The following CNKSR3 variants were observed in gnomAD, a reference collection of about 807,000 sequenced individuals.
CNKSR3 encodes the protein CNKSR family member 3, also known as connector enhancer of kinase suppressor of ras 3.
Under a neutral mutation model 67.7 loss-of-function variants are expected in CNKSR3, and 36 were observed. That is an observed-to-expected ratio of 0.53 (90% CI 0.41 to 0.70). The LOEUF is 0.70. Ranked by LOEUF, CNKSR3 falls within the 30% of genes least tolerant of loss-of-function variation. The pLI is 0.00. For missense variants in CNKSR3, 630 were observed against 695.2 expected (o/e 0.91, Z 1.05); for synonymous variants, 281 against 271.4 (o/e 1.04, Z -0.35).
chr6:154,483,095 T>A (rs1007799506), intron 1 of CNKSR3, among the ~76,000 whole-genome samples: 3 of 152,178 alleles, frequency 2.0e-5, no homozygotes, highest in Non-Finnish European at 2.9e-5. Context: ...CCCAGTGGCA[T>A]CTTGGACGAA....
At chr6:154,454,188 G>C (rs6557353) in intron 1 of CNKSR3, among the ~76,000 whole-genome samples, 102,858 of 149,722 alleles carry the variant, frequency 0.69, 35,654 homozygotes, top group East Asian at 0.87. Flanking sequence ...CTTACTGACC[G>C]GGTAACCTGG....
intron 5 of CNKSR3, among the ~76,000 whole-genome samples, 163 bp downstream of exon 5, chr6:154,433,302 TA>T (rs1393703768): frequency 6.6e-6 from 1 of 152,208 alleles, no homozygotes; most frequent in African/African-American, 2.4e-5. Context: ...TCTTGTTAAA[TA>T]ACTTTTATGC....
intron 1 of CNKSR3, among the ~76,000 whole-genome samples, chr6:154,497,269 T>C (rs1257868620): frequency 2.0e-5 from 3 of 150,802 alleles, no homozygotes; most frequent in Non-Finnish European, 4.4e-5. Flanking sequence ...TGCATGCCTG[T>C]GGTTCCTGCT....
intron 1 of CNKSR3, among the ~76,000 whole-genome samples, chr6:154,501,809 C>T (rs1238204266): frequency 2.0e-5 from 3 of 152,098 alleles, no homozygotes; most frequent in Admixed American, 6.5e-5. Context: ...ACACTAAAGC[C>T]GGGACTATGG....
chr6:154,420,552 A>G (rs969504806), intron 9 of CNKSR3, among the ~76,000 whole-genome samples: 2 of 150,432 alleles, frequency 1.3e-5, no homozygotes, highest in East Asian at 1.9e-4. Flanking sequence ...AGCCGGGCGT[A>G]GTGGCGGGTG....
intron 1 of CNKSR3, among the ~76,000 whole-genome samples, chr6:154,480,856 T>C (rs1304990986): frequency 6.6e-6 from 1 of 152,224 alleles, no homozygotes; most frequent in Admixed American, 6.5e-5. Flanking sequence ...CTTTAAGAAA[T>C]TTATTTGATA....
intron 9 of CNKSR3, among the ~76,000 whole-genome samples, chr6:154,417,138 T>C (rs929936142): frequency 3.3e-5 from 5 of 152,226 alleles, no homozygotes; most frequent in Non-Finnish European, 5.9e-5. Flanking sequence ...TGGCCTCTTT[T>C]CTGACTTTCC....
At chr6:154,446,656 A>G (rs1420201163) in intron 2 of CNKSR3, among the ~76,000 whole-genome samples, 1 of 152,186 alleles carries the variant, frequency 6.6e-6, no homozygotes. Flanking sequence ...AAGTCTAGGT[A>G]GCATCATTTA....
chr6:154,438,875 C>T (rs1367393600), intron 4 of CNKSR3, among the ~76,000 whole-genome samples: 1 of 152,196 alleles, frequency 6.6e-6, no homozygotes, highest in Admixed American at 6.5e-5. Context: ...CCCCAATAAG[C>T]TGGGCAGGCG....
At chr6:154,423,899 C>T (rs535529975) in intron 7 of CNKSR3, among the ~76,000 whole-genome samples, 6 of 152,020 alleles carry the variant, frequency 3.9e-5, no homozygotes, top group Admixed American at 1.3e-4. Context: ...CTTCAAATAA[C>T]GGCTGGTTAT....
At chr6:154,445,834 A>G (rs1785696876) in intron 2 of CNKSR3, among the ~76,000 whole-genome samples, 1 of 152,132 alleles carries the variant, frequency 6.6e-6, no homozygotes, top group Admixed American at 6.6e-5. Flanking sequence ...TTTTAAAAGA[A>G]GGAAGGAGGA....
rs1297322663 is a variant in CNKSR3 at position 154,400,524 on chromosome 6, T to G, written c.*5830A>C. ...GGTTCTGAAAAACTGTGTGTGACAG[T>G]CTCCTGGCTGTGTAGCATTTTTTGT... On this transcript the variant is annotated 3_prime_UTR_variant, in exon 13 of 13. Transcript: ENST00000607772. 6.6e-6 allele frequency: 1 copy of G among 152,222 alleles called. No individual in the cohort carries two copies. Among genetic ancestry groups the G allele is most frequent in the African/African-American group, 2.4e-5 (1 of 41,450 alleles). The allele number at this position is 152,222 out of a possible 1,614,324, so 9.4% of individuals were successfully genotyped here.
intron 9 of CNKSR3, among the ~76,000 whole-genome samples, chr6:154,415,437 G>GA (rs1785005531): frequency 6.6e-6 from 1 of 151,820 alleles, no homozygotes; most frequent in African/African-American, 2.4e-5. Flanking sequence ...TGCCATGTTG[G>GA]CCAGGCTGGT....
Position 154,406,683 on chromosome 6 carries a change from A to G in CNKSR3, c.1370-31T>C, listed in dbSNP as rs763902620. 126 of 1,586,054 alleles carry G rather than the reference A, an allele frequency of 7.9e-5. 1 individual carries two copies. The Admixed American group carries it at 1.9e-3, about 24-fold the overall frequency. ...TCCAGACAAAGTCCATTAAGTCACA[A>G]TCCCAGCCGGGCGTGGTGGCTCACA... On this transcript the variant is annotated intron_variant, in intron 12 of 12. Coordinates refer to ENST00000607772, the MANE Select transcript of CNKSR3 (RefSeq NM_173515.4).
intron 1 of CNKSR3, among the ~76,000 whole-genome samples, chr6:154,464,024 G>C (rs1444485660): frequency 6.6e-6 from 1 of 152,200 alleles, no homozygotes; most frequent in African/African-American, 2.4e-5. Flanking sequence ...TTTGTGTACA[G>C]TTAACTGACA....
intron 6 of CNKSR3, among the ~76,000 whole-genome samples, chr6:154,429,594 T>C (rs890598740): frequency 6.6e-6 from 1 of 152,208 alleles, no homozygotes; most frequent in Admixed American, 6.5e-5. Context: ...AATATGCATT[T>C]TTCTGCTCAC....
intron 1 of CNKSR3, among the ~76,000 whole-genome samples, chr6:154,490,552 TACAC>T (rs1436083194): frequency 6.6e-6 from 1 of 152,214 alleles, no homozygotes; most frequent in Non-Finnish European, 1.5e-5. Context: ...TAGATACAAA[TACAC>T]ACACAGTTCC....
intron 1 of CNKSR3, among the ~76,000 whole-genome samples, chr6:154,461,784 C>A (rs1007146995): frequency 3.3e-5 from 5 of 152,198 alleles, no homozygotes; most frequent in African/African-American, 1.2e-4. Context: ...TAAAGTCACA[C>A]AACCAATAAT....
Position 154,510,170 on chromosome 6 carries a change from C to G in CNKSR3, c.-56G>C, listed in dbSNP as rs561852302. ...AGAGTCGCAGATAAAGTGCTGCTGC[C>G]TGCGCTCCGGTGCCCCTTCCCGGGA... On this transcript the variant is annotated 5_prime_UTR_variant, in exon 1 of 13. Transcript: ENST00000607772. The G allele has an allele frequency of 4.4e-6, 7 of 1,606,214 alleles. No homozygotes were observed. The East Asian group carries it at 1.6e-4, about 36-fold the overall frequency.
Sources: allele counts gnomAD v4.1 joint callset (sites outside exome capture counted in the v4.1 genomes callset), GRCh38; gene constraint gnomAD v4.1.1; transcripts MANE v1.5; gene names NCBI Gene and HGNC (gene_info 2026-07-23, HGNC 2026-07-21).